ACVR2A: variants seen among roughly 807,000 people sequenced by gnomAD.
ACVR2A encodes activin A receptor type 2A.
In ACVR2A, 7 loss-of-function variants were observed where a neutral mutation model predicts 61.4. The observed-to-expected ratio is 0.11, with a 90% CI of 0.06 to 0.21. ACVR2A has a LOEUF of 0.21. Ranked by LOEUF, ACVR2A falls within the 10% of genes least tolerant of loss-of-function variation. ACVR2A has a pLI of 1.00. For synonymous variants in ACVR2A, 193 were observed against 208.3 expected (o/e 0.93, Z 0.63); for missense variants, 322 against 621.7 (o/e 0.52, Z 5.13).
At chr2:147,855,803 C>G (rs1045991133) in intron 1 of ACVR2A, among the ~76,000 whole-genome samples, 4 of 151,938 alleles carry the variant, frequency 2.6e-5, no homozygotes, top group African/African-American at 9.7e-5. Context: ...ATTTTTGTAA[C>G]AAATTTCTAT....
At chr2:147,873,485 A>T (rs1204508868) in intron 1 of ACVR2A, among the ~76,000 whole-genome samples, 2 of 151,894 alleles carry the variant, frequency 1.3e-5, no homozygotes, top group Non-Finnish European at 2.9e-5. Context: ...CTAGGACTCT[A>T]ACTATACATG....
At chr2:147,846,474 G>C (rs143888422) in intron 1 of ACVR2A, among the ~76,000 whole-genome samples, 20 of 151,904 alleles carry the variant, frequency 1.3e-4, no homozygotes, top group Non-Finnish European at 2.2e-4. Flanking sequence ...TTGCTGAATG[G>C]TACATTTCCT....
chr2:147,847,443 CTATTTT>C (rs1407254018), intron 1 of ACVR2A, among the ~76,000 whole-genome samples: 1 of 152,064 alleles, frequency 6.6e-6, no homozygotes, highest in Non-Finnish European at 1.5e-5. Context: ...CATGAGGTGA[CTATTTT>C]TATGAGAATT....
chr2:147,866,785 A>G (rs1573919464), intron 1 of ACVR2A, among the ~76,000 whole-genome samples: 1 of 152,200 alleles, frequency 6.6e-6, no homozygotes, highest in South Asian at 2.1e-4. Context: ...GTTGAGTTCA[A>G]AGTACTTGTG....
chr2:147,906,360 C>T (rs543630807), intron 4 of ACVR2A, among the ~76,000 whole-genome samples: 8 of 152,156 alleles, frequency 5.3e-5, no homozygotes, highest in African/African-American at 1.2e-4. Flanking sequence ...AAAAGTGGCA[C>T]GAGGACAGTA....
At chr2:147,844,893 T>G, upstream of ACVR2A, 3 of 385,670 alleles carry the variant, frequency 7.8e-6, no homozygotes, top group Non-Finnish European at 1.4e-5. Flanking sequence ...CTTTTCGTTG[T>G]TTGGTTTTGT....
At chr2:147,885,449 C>T (rs760734301) in intron 1 of ACVR2A, among the ~76,000 whole-genome samples, 3 of 152,000 alleles carry the variant, frequency 2.0e-5, no homozygotes, top group Admixed American at 6.6e-5. Context: ...TATTTGTGGG[C>T]AGGGAGTTAT....
intron 1 of ACVR2A, among the ~76,000 whole-genome samples, chr2:147,856,803 A>G (rs1300030248): frequency 6.6e-6 from 1 of 152,166 alleles, no homozygotes; most frequent in Admixed American, 6.5e-5. Flanking sequence ...ATAGCCACTG[A>G]CCATCTTTTT....
chr2:147,859,064 T>C (rs536005475), intron 1 of ACVR2A, among the ~76,000 whole-genome samples: 41 of 152,192 alleles, frequency 2.7e-4, no homozygotes, highest in Non-Finnish European at 5.9e-4. Flanking sequence ...CATTTTCTTA[T>C]AGAATTATTG....
chr2:147,852,988 G>A (rs1685484155), intron 1 of ACVR2A, among the ~76,000 whole-genome samples: 1 of 152,058 alleles, frequency 6.6e-6, no homozygotes, highest in Non-Finnish European at 1.5e-5. Flanking sequence ...TAAAACTGAG[G>A]AGGTAAGAGT....
intron 1 of ACVR2A, among the ~76,000 whole-genome samples, chr2:147,892,119 G>A (rs1220219100): frequency 2.6e-5 from 4 of 151,764 alleles, no homozygotes; most frequent in Non-Finnish European, 2.9e-5. Flanking sequence ...TTACAGGTGC[G>A]CGCCACTATG....
intron 1 of ACVR2A, among the ~76,000 whole-genome samples, chr2:147,867,768 CT>C (rs34317574): frequency 6.6e-6 from 1 of 152,136 alleles, no homozygotes; most frequent in Non-Finnish European, 1.5e-5. Flanking sequence ...GAAAGTCAAG[CT>C]TTTTAACAAT....
intron 4 of ACVR2A, among the ~76,000 whole-genome samples, chr2:147,907,988 G>A (rs6729997): frequency 0.27 from 38,791 of 146,072 alleles, 5,845 homozygotes; most frequent in East Asian, 0.47. Context: ...GCAGTGAGCC[G>A]AGACCATGCT....
chr2:147,889,706 C>G (rs966225624), intron 1 of ACVR2A, among the ~76,000 whole-genome samples: 1 of 151,896 alleles, frequency 6.6e-6, no homozygotes, highest in East Asian at 1.9e-4. Flanking sequence ...GAGATCGCAC[C>G]ATTGCACTCC....
rs1260787766 is a variant in ACVR2A, at chr2:147,928,258, C to CATT, written c.*985_*987dup. 1 of 152,252 alleles carries CATT rather than the reference C, an allele frequency of 6.6e-6. No individual in the cohort carries two copies. Among genetic ancestry groups the CATT allele is most frequent in the Non-Finnish European group, 1.5e-5 (1 of 67,900 alleles). 9.4% of individuals were successfully genotyped at this position (152,252 alleles called of 1,614,324 possible). On this transcript the variant is annotated 3_prime_UTR_variant, in exon 11 of 11. Transcript: ENST00000241416. ...TGAGCTGTGACACTGGAAAGCTCTT[C>CATT]ATTTTATCTTTTAAAATAGAGTTTT...
chr2:147,912,026 G>A (rs535591561), intron 4 of ACVR2A, among the ~76,000 whole-genome samples: 1 of 151,842 alleles, frequency 6.6e-6, no homozygotes, highest in African/African-American at 2.4e-5. Flanking sequence ...ACTAGCTACA[G>A]GAGTATAACT....
chr2:147,871,237 C>G (rs1015731254), intron 1 of ACVR2A, among the ~76,000 whole-genome samples: 24 of 151,944 alleles, frequency 1.6e-4, no homozygotes, highest in African/African-American at 5.8e-4. Context: ...TTTAAATATA[C>G]ATTTGCTAGG....
At chr2:147,898,062 G>A (rs560831703) in intron 2 of ACVR2A, among the ~76,000 whole-genome samples, 17 of 152,218 alleles carry the variant, frequency 1.1e-4, no homozygotes, top group Non-Finnish European at 2.2e-4. Flanking sequence ...TGTGAGACTC[G>A]GATAGTGCCA....
chr2:147,926,768 G>A (rs1287214510), intron 10 of ACVR2A, among the ~76,000 whole-genome samples: 1 of 151,798 alleles, frequency 6.6e-6, no homozygotes, highest in African/African-American at 2.4e-5. Context: ...ATAAAAATTG[G>A]TAGGTCCCCT....
Sources: allele counts gnomAD v4.1 joint callset (sites outside exome capture counted in the v4.1 genomes callset), GRCh38; gene constraint gnomAD v4.1.1; transcripts MANE v1.5; gene names NCBI Gene and HGNC (gene_info 2026-07-23, HGNC 2026-07-21).